The following ANKRD46 variants were observed in gnomAD, a reference collection of about 807,000 sequenced individuals.
ANKRD46 encodes the protein ankyrin repeat domain 46.
ANKRD46 carries 13 observed loss-of-function variants against 19.8 expected under a neutral mutation model. That is an observed-to-expected ratio of 0.66 (90% CI 0.43 to 1.04). The LOEUF is 1.04. ANKRD46 is among the 50% of genes least tolerant of loss of function. The pLI, the probability that ANKRD46 is intolerant of heterozygous loss-of-function variation, is 0.00. For synonymous variants in ANKRD46, 91 were observed against 106.9 expected (o/e 0.85, Z 0.92); for missense variants, 185 against 274.8 (o/e 0.67, Z 2.31).
Position 100,511,741 on chromosome 8 carries a change from C to T in ANKRD46, c.637-1102G>A, listed in dbSNP as rs1811550287. ...CTCCATTAAAGACAATGAAGAATTTCGGCTGGGCATGGTGGCTCACGCCTG... is the reference window on the plus strand; with the variant it reads ...CTCCATTAAAGACAATGAAGAATTTTGGCTGGGCATGGTGGCTCACGCCTG... On this transcript the variant is annotated intron_variant, in intron 5 of 5. Coordinates refer to the ANKRD46 transcript ENST00000520552. This position sits in a 1 kb window ranked among gnomAD's most constrained non-coding sequence, Gnocchi z 4.1. 6.6e-6 allele frequency among the ~76,000 whole-genome samples: 1 copy of T among 152,142 alleles called. No individual in the cohort carries two copies. Among genetic ancestry groups the T allele is most frequent in the Non-Finnish European group, 1.5e-5 (1 of 68,018 alleles).
In ANKRD46 at chr8:100,527,563, C is replaced by T. The variant is rs1811866178; in HGVS notation, c.470+282G>A. Reference sequence around the variant, plus strand: ...CATTATGCGCACATGACATGTAGTACTTTCTGTTAATAGCTTCTCAATTGT... The same window carrying T: ...CATTATGCGCACATGACATGTAGTATTTTCTGTTAATAGCTTCTCAATTGT... On this transcript the variant is annotated intron_variant, in intron 4 of 4. Coordinates refer to ENST00000335659, the MANE Select transcript of ANKRD46 (RefSeq NM_001270377.2). The surrounding 1 kb of genome is among the most constrained non-coding windows in gnomAD (Gnocchi z 4.0). 6.6e-6 allele frequency among the ~76,000 whole-genome samples: 1 copy of T among 152,164 alleles called. No homozygotes were observed. The highest frequency in any genetic ancestry group is 2.4e-5 in the African/African-American group (1 of 41,430).
Position 100,510,254 on chromosome 8 carries a change from T to C in ANKRD46, c.*323A>G. 1 of 287,464 alleles carries C rather than the reference T, an allele frequency of 3.5e-6. No homozygotes were observed. The highest frequency in any genetic ancestry group is 6.4e-6 in the Non-Finnish European group (1 of 155,146). The allele number at this position is 287,464 out of a possible 1,614,324, so 17.8% of individuals were successfully genotyped here. A position where few individuals can be genotyped will look rare whatever the true frequency, so the allele number is the denominator to read the frequency against. Reference sequence around the variant, plus strand: ...TGTCATTTCAGACACCACGGCAGCCTTTTGTTCAAGATCAAATGGATGTGA... The same window carrying C: ...TGTCATTTCAGACACCACGGCAGCCCTTTGTTCAAGATCAAATGGATGTGA... On this transcript the variant is annotated 3_prime_UTR_variant, in exon 6 of 6. Coordinates refer to the ANKRD46 transcript ENST00000520552. The surrounding 1 kb of genome is among the most constrained non-coding windows in gnomAD (Gnocchi z 4.9).
intron 5 of ANKRD46, among the ~76,000 whole-genome samples, chr8:100,514,611 C>CTTTTTTTTT (rs1563922826): frequency 1.3e-5 from 1 of 76,034 alleles, no homozygotes; most frequent in African/African-American, 5.9e-5. Flanking sequence ...GTTATTCCTC[C>CTTTTTTTTT]ATCTTCTTTT....
chr8:100,517,559 T>C (rs1811654423), downstream of ANKRD46, among the ~76,000 whole-genome samples: 1 of 152,202 alleles, frequency 6.6e-6, no homozygotes, highest in African/African-American at 2.4e-5. Flanking sequence ...CCCAGGTGAA[T>C]GTAGACACCT....
chr8:100,519,788 A>G (rs1355050150), downstream of ANKRD46, among the ~76,000 whole-genome samples: 2 of 152,190 alleles, frequency 1.3e-5, no homozygotes, highest in African/African-American at 4.8e-5. Flanking sequence ...TAGTTCGTTC[A>G]TGAAGCTACA....
At chr8:100,520,400 C>T (rs568002170), downstream of ANKRD46, among the ~76,000 whole-genome samples, 1 of 152,318 alleles carries the variant, frequency 6.6e-6, no homozygotes, top group East Asian at 1.9e-4. Context: ...TGGAATCCCT[C>T]TTCCACCAGG....
Position 100,529,413 on chromosome 8 carries a change from T to C in ANKRD46, c.311+110A>G. ...CACTGTCTTCAATGCTTTCTGAACT[T>C]ATTTCAACTGATTAATGAGGAAACA... On this transcript the variant is annotated intron_variant, in intron 3 of 4. Transcript: ENST00000335659. This position sits in a 1 kb window ranked among gnomAD's most constrained non-coding sequence, Gnocchi z 5.8. 1.7e-6 allele frequency: 2 copies of C among 1,160,862 alleles called. No homozygotes were observed. The highest frequency in any genetic ancestry group is 4.9e-5 in the East Asian group (2 of 40,412). 71.9% of individuals were successfully genotyped at this position (1,160,862 alleles called of 1,614,324 possible). A position where few individuals can be genotyped will look rare whatever the true frequency, so the allele number is the denominator to read the frequency against.
intron 1 of ANKRD46, among the ~76,000 whole-genome samples, chr8:100,548,501 T>C (rs1156574142): frequency 6.6e-6 from 1 of 152,252 alleles, no homozygotes; most frequent in Non-Finnish European, 1.5e-5. Context: ...AATTTTCTTA[T>C]TTATGTGCTT....
intron 1 of ANKRD46, chr8:100,551,403 T>C (rs1812387488): frequency 3.3e-6 from 2 of 614,790 alleles, no homozygotes; most frequent in Non-Finnish European, 6.2e-6. Flanking sequence ...GCCTTCTCTA[T>C]GGTCATGAAG....
At chr8:100,539,791 A>G (rs1220284169) in intron 1 of ANKRD46, among the ~76,000 whole-genome samples, 1 of 152,178 alleles carries the variant, frequency 6.6e-6, no homozygotes, top group Non-Finnish European at 1.5e-5. Context: ...GCTCATACCT[A>G]TAATCCCAGC....
Position 100,511,277 on chromosome 8 carries a change from G to A in ANKRD46, c.637-638C>T, listed in dbSNP as rs1019157082. Among the ~76,000 whole-genome samples the A allele has an allele frequency of 6.6e-6, 1 of 152,230 alleles. No homozygotes were observed. Among genetic ancestry groups the A allele is most frequent in the African/African-American group, 2.4e-5 (1 of 41,464 alleles). Reference sequence around the variant, plus strand: ...CTGCCCACTGACACTCCATCATAGTGTAGGCTGGGGATCCAAACCCAGGTC... The same window carrying A: ...CTGCCCACTGACACTCCATCATAGTATAGGCTGGGGATCCAAACCCAGGTC... On this transcript the variant is annotated intron_variant, in intron 5 of 5. Transcript: ENST00000520552. The surrounding 1 kb of genome is among the most constrained non-coding windows in gnomAD (Gnocchi z 4.1).
At chr8:100,526,090 A>G (rs906722248) in intron 4 of ANKRD46, among the ~76,000 whole-genome samples, 4 of 152,176 alleles carry the variant, frequency 2.6e-5, no homozygotes, top group African/African-American at 4.8e-5. Context: ...AGTGTTAATA[A>G]CTCAATTTTT....
At chr8:100,513,961 G>A (rs563497643) in intron 5 of ANKRD46, among the ~76,000 whole-genome samples, 9 of 152,064 alleles carry the variant, frequency 5.9e-5, no homozygotes, top group Non-Finnish European at 1.2e-4. Context: ...CTGAAATTTC[G>A]GTGAAACAGT....
In ANKRD46 at chr8:100,536,294, ATG is replaced by A. The variant is rs1812064194; in HGVS notation, c.-130-2985_-130-2984del. 2.0e-5 allele frequency among the ~76,000 whole-genome samples: 3 copies of A among 152,060 alleles called. No homozygotes were observed. Among genetic ancestry groups the A allele is most frequent in the South Asian group, 4.2e-4 (2 of 4,812 alleles). ...GGTGGGAAAAGTAGCGGGGAGAGAT[ATG>A]TGATAGTCTGACTCTCCTGAAAGGC... On this transcript the variant is annotated intron_variant, in intron 1 of 4. Coordinates refer to ENST00000335659, the MANE Select transcript of ANKRD46 (RefSeq NM_001270377.2). This position sits in a 1 kb window ranked among gnomAD's most constrained non-coding sequence, Gnocchi z 4.9.
rs1812027306 is a variant in ANKRD46 at position 100,534,628 on chromosome 8, C to T, written c.-130-1317G>A. ...ATTAAAATGGTGCAAGTGGGTTATT[C>T]TGGATGTGGTAGAGCTCACATTAGG... On this transcript the variant is annotated intron_variant, in intron 1 of 4. Coordinates refer to ENST00000335659, the MANE Select transcript of ANKRD46 (RefSeq NM_001270377.2). This position sits in a 1 kb window ranked among gnomAD's most constrained non-coding sequence, Gnocchi z 4.2. Among the ~76,000 whole-genome samples, 1 of 152,074 alleles carries T rather than the reference C, an allele frequency of 6.6e-6. No individual in the cohort carries two copies. The highest frequency in any genetic ancestry group is 1.5e-5 in the Non-Finnish European group (1 of 68,036).
At position 100,557,381 on chromosome 8, in the gene ANKRD46, A is replaced by G. The variant is rs1812523070; in HGVS notation, c.-131+2330T>C. 6.6e-6 allele frequency among the ~76,000 whole-genome samples: 1 copy of G among 152,190 alleles called. No homozygotes were observed. The highest frequency in any genetic ancestry group is 2.4e-5 in the African/African-American group (1 of 41,448). ...GCAAATCCTATCAGCAATACTCAGA[A>G]TACGACGGCTTCTTACTGCCTCTCT... On this transcript the variant is annotated intron_variant, in intron 1 of 4. Coordinates refer to ENST00000335659, the MANE Select transcript of ANKRD46 (RefSeq NM_001270377.2). This position sits in a 1 kb window ranked among gnomAD's most constrained non-coding sequence, Gnocchi z 5.9.
At chr8:100,558,674 T>C (rs1563495819) in intron 1 of ANKRD46, among the ~76,000 whole-genome samples, 1 of 152,184 alleles carries the variant, frequency 6.6e-6, no homozygotes, top group African/African-American at 2.4e-5. Context: ...ATAAAACTCT[T>C]AGACAGCGCT....
chr8:100,521,620 G>T lies in ANKRD46; in HGVS notation c.*935C>A. 1.0e-6 allele frequency: 1 copy of T among 985,386 alleles called. No individual in the cohort carries two copies. The highest frequency in any genetic ancestry group is 1.2e-6 in the Non-Finnish European group (1 of 829,914). 61.0% of individuals were successfully genotyped at this position (985,386 alleles called of 1,614,324 possible). On this transcript the variant is annotated 3_prime_UTR_variant, in exon 5 of 5. Coordinates refer to ENST00000335659, the MANE Select transcript of ANKRD46 (RefSeq NM_001270377.2). ...ATGGGATTGTTAAAAGTCTAACAGG[G>T]CCTCCAAATAGGATTGCACATGAAA...
At chr8:100,551,212 C>A (rs1812382479) in intron 1 of ANKRD46, 1 of 453,528 alleles carries the variant, frequency 2.2e-6, no homozygotes, top group Non-Finnish European at 4.2e-6. Flanking sequence ...TTCCACAATG[C>A]CAAAGTTGTC....
Sources: allele counts gnomAD v4.1 joint callset (sites outside exome capture counted in the v4.1 genomes callset), GRCh38; gene constraint gnomAD v4.1.1; non-coding constraint Gnocchi (gnomAD v3.1); transcripts MANE v1.5; gene names NCBI Gene and HGNC (gene_info 2026-07-23, HGNC 2026-07-21).